The following TMEM54 variants were observed in gnomAD, a reference collection of about 807,000 sequenced individuals.
TMEM54 encodes beta-casein-like protein.
In TMEM54, 21 loss-of-function variants were observed where a neutral mutation model predicts 21.3. That is an observed-to-expected ratio of 0.99 (90% CI 0.70 to 1.42). The LOEUF (loss-of-function observed/expected upper bound fraction) is 1.42. Among genes scored for constraint, TMEM54 ranks in the 40% most tolerant of loss-of-function variants. The probability of loss-of-function intolerance (pLI) is 0.00; values close to 1 mark genes in which losing one functional copy is unlikely to be tolerated. For missense variants in TMEM54, 246 were observed against 294.0 expected (o/e 0.84, Z 1.19); for synonymous variants, 109 against 125.0 (o/e 0.87, Z 0.86).
rs1396700136 is a variant in TMEM54, at chr1:32,897,035, T to G, written c.211-1066A>C. Among the ~76,000 whole-genome samples the G allele has an allele frequency of 6.6e-6, 1 of 152,032 alleles. No individual in the cohort carries two copies. The highest frequency in any genetic ancestry group is 1.5e-5 in the Non-Finnish European group (1 of 68,010). On this transcript the variant is annotated intron_variant, in intron 2 of 5. Transcript: ENST00000373463. This position sits in a 1 kb window ranked among gnomAD's most constrained non-coding sequence, Gnocchi z 4.9. ...CTGGGAGAAGTGAGGATTAACCGAG[T>G]AAGTGAGGGGAAGGCTGAAGTGGTC...
Position 32,896,147 on chromosome 1 carries a change from G to A in TMEM54, c.211-178C>T. The A allele has an allele frequency of 3.3e-6, 2 of 615,108 alleles. No homozygotes were observed. Among genetic ancestry groups the A allele is most frequent in the Admixed American group, 3.1e-5 (1 of 31,834 alleles). 38.1% of individuals were successfully genotyped at this position (615,108 alleles called of 1,614,324 possible). ...TCTCCATCTGCCTCCTCATAGTCCA[G>A]CCTGACATGATGTTTCTAAAACAGT... is the stretch of plus-strand genomic sequence containing the variant. On this transcript the variant is annotated intron_variant, in intron 2 of 5. Transcript: ENST00000373463. This position sits in a 1 kb window ranked among gnomAD's most constrained non-coding sequence, Gnocchi z 4.1.
In TMEM54 at chr1:32,896,044, G is replaced by A. The variant is rs1010724768; in HGVS notation, c.211-75C>T. ...GGCAGGGGGATCAGGGCCACTCTGG[G>A]ATAATGATCTCACCGGCGCCAACCA... On this transcript the variant is annotated intron_variant, in intron 2 of 5. Coordinates refer to ENST00000373463, the MANE Select transcript of TMEM54 (RefSeq NM_033504.4). This position sits in a 1 kb window ranked among gnomAD's most constrained non-coding sequence, Gnocchi z 4.1. 3.3e-6 allele frequency: 5 copies of A among 1,518,464 alleles called. No individual in the cohort carries two copies. Among genetic ancestry groups the A allele is most frequent in the African/African-American group, 1.4e-5 (1 of 72,990 alleles). 94.1% of individuals were successfully genotyped at this position (1,518,464 alleles called of 1,614,324 possible). A position where few individuals can be genotyped will look rare whatever the true frequency, so the allele number is the denominator to read the frequency against.
Position 32,895,747 on chromosome 1 carries a change from G to T in TMEM54, c.271-4C>A. On this transcript the variant is annotated splice_region_variant and splice_polypyrimidine_tract_variant and intron_variant, in intron 3 of 5. Coordinates refer to ENST00000373463, the MANE Select transcript of TMEM54 (RefSeq NM_033504.4). This position sits in a 1 kb window ranked among gnomAD's most constrained non-coding sequence, Gnocchi z 5.8. ...TCGAGCTAAACACTGTCCAGCGCTGGACGGGGGAGGCCACTGGTCAATGGG... is the reference window on the plus strand; with the variant it reads ...TCGAGCTAAACACTGTCCAGCGCTGTACGGGGGAGGCCACTGGTCAATGGG... 3 of 1,554,460 alleles carry T rather than the reference G, an allele frequency of 1.9e-6. No homozygotes were observed. The highest frequency in any genetic ancestry group is 1.2e-5 in the South Asian group (1 of 84,500).
In TMEM54 at chr1:32,901,377, C is replaced by T; in HGVS notation, c.-139G>A. The T allele has an allele frequency of 1.2e-6, 1 of 860,940 alleles. No individual in the cohort carries two copies. Among genetic ancestry groups the T allele is most frequent in the Non-Finnish European group, 1.5e-6 (1 of 677,736 alleles). 53.3% of individuals were successfully genotyped at this position (860,940 alleles called of 1,614,324 possible). Reference sequence around the variant, plus strand: ...GCGCTCGCCCACTTCCCGCCCGGAGCCCGGGGCTGGGCGGCGCCGGACCGG... The same window carrying T: ...GCGCTCGCCCACTTCCCGCCCGGAGTCCGGGGCTGGGCGGCGCCGGACCGG... On this transcript the variant is annotated 5_prime_UTR_variant, in exon 1 of 6. Transcript: ENST00000373463. The surrounding 1 kb of genome is among the most constrained non-coding windows in gnomAD (Gnocchi z 4.2).
rs780609869 is a variant in TMEM54 at position 32,895,334 on chromosome 1, G to A, written c.565C>T (p.Pro189Ser). The change falls in exon 5 of 6, where the codon CCC (proline) becomes TCC (serine). Residue 189 changes from proline (P) to serine (S), a missense_variant. Transcript: ENST00000373463. This position sits in a 1 kb window ranked among gnomAD's most constrained non-coding sequence, Gnocchi z 5.8. ...QLTHQLLELR[P>S]WWGKSSHHMM... Reference sequence around the variant, plus strand: ...TGGTGGCTGCTTTTCCCCCACCAGGGCCTCAGCTCCAGCAGCTGGTGGGTG... The same window carrying A: ...TGGTGGCTGCTTTTCCCCCACCAGGACCTCAGCTCCAGCAGCTGGTGGGTG... 1.9e-6 allele frequency: 3 copies of A among 1,613,270 alleles called. No homozygotes were observed. The highest frequency in any genetic ancestry group is 2.2e-5 in the East Asian group (1 of 44,862).
chr1:32,896,608 C>T lies in TMEM54; in HGVS notation c.211-639G>A, dbSNP rs984604589. On this transcript the variant is annotated intron_variant, in intron 2 of 5. Transcript: ENST00000373463. The surrounding 1 kb of genome is among the most constrained non-coding windows in gnomAD (Gnocchi z 4.1). ...TGCAAGCCCTGCTCAGGTTTGCACA[C>T]GTTTCCCTAACCAGCCTCGATCCCA... Among the ~76,000 whole-genome samples, 1 of 152,228 alleles carries T rather than the reference C, an allele frequency of 6.6e-6. No individual in the cohort carries two copies. The highest frequency in any genetic ancestry group is 1.5e-5 in the Non-Finnish European group (1 of 68,028).
chr1:32,895,982 CTCAAG>C lies in TMEM54; in HGVS notation c.211-18_211-14del. On this transcript the variant is annotated splice_polypyrimidine_tract_variant and intron_variant, in intron 2 of 5. Transcript: ENST00000373463. This position sits in a 1 kb window ranked among gnomAD's most constrained non-coding sequence, Gnocchi z 5.8. ...CTGAAGTGATGACCTGTAGGGAAGG[CTCAAG>C]TCAGCCCTGACTCCTTGGCTGGAGG... is the stretch of plus-strand genomic sequence containing the variant. 6.2e-7 allele frequency: 1 copy of C among 1,611,194 alleles called. No homozygotes were observed. Among genetic ancestry groups the C allele is most frequent in the Non-Finnish European group, 8.5e-7 (1 of 1,178,642 alleles).
intron 1 of TMEM54, among the ~76,000 whole-genome samples, chr1:32,899,018 A>AG (rs1298054226): frequency 2.0e-5 from 3 of 152,180 alleles, no homozygotes; most frequent in African/African-American, 7.2e-5. Flanking sequence ...CTCTCAGTGC[A>AG]GGGGGAACCT....
rs754546282 is a variant in TMEM54, at chr1:32,895,219, T to A, written c.594+86A>T. On this transcript the variant is annotated intron_variant, in intron 5 of 5. Coordinates refer to ENST00000373463, the MANE Select transcript of TMEM54 (RefSeq NM_033504.4). The surrounding 1 kb of genome is among the most constrained non-coding windows in gnomAD (Gnocchi z 5.8). ...CCCCATTTCTCAAGGTGGGGGCCCATACATAGGGGTGGGGCAGAGCAGCTT... is the reference window on the plus strand; with the variant it reads ...CCCCATTTCTCAAGGTGGGGGCCCAAACATAGGGGTGGGGCAGAGCAGCTT... 37 of 1,494,342 alleles carry A rather than the reference T, an allele frequency of 2.5e-5. No individual in the cohort carries two copies. Among genetic ancestry groups the A allele is most frequent in the Non-Finnish European group, 3.3e-5 (37 of 1,110,504 alleles). 92.6% of individuals were successfully genotyped at this position (1,494,342 alleles called of 1,614,324 possible).
Position 32,895,647 on chromosome 1 carries a change from G to C in TMEM54, c.367C>G (p.Gln123Glu), listed in dbSNP as rs1387016946. 15 of 1,564,608 alleles carry C rather than the reference G, an allele frequency of 9.6e-6. No homozygotes were observed. Among genetic ancestry groups the C allele is most frequent in the Non-Finnish European group, 1.3e-5 (15 of 1,154,244 alleles). ...LASIAMTFAT[Q>E]GKALLAACTF... ...CAGGCAGCCAGCAGTGCCTTGCCCT[G>C]GGTGGCAAAGGTCATGGCGATGGAG... Residue 123 changes from glutamine to glutamate, a missense_variant, in exon 4 of 6, where the codon CAG (glutamine) becomes GAG (glutamate). Gln to Glu is a conservative substitution (Grantham distance 29). Transcript: ENST00000373463. The surrounding 1 kb of genome is among the most constrained non-coding windows in gnomAD (Gnocchi z 5.8).
At position 32,901,132 on chromosome 1, in the gene TMEM54, C is replaced by T. The variant is rs1056462334; in HGVS notation, c.16+91G>A. ...TTAGAGGCAGAGCAGGTGGCCTGGCCCCCTGGGGGCTCGGGTTCCGGGCTC... is the reference window on the plus strand; with the variant it reads ...TTAGAGGCAGAGCAGGTGGCCTGGCTCCCTGGGGGCTCGGGTTCCGGGCTC... On this transcript the variant is annotated intron_variant, in intron 1 of 5. Coordinates refer to ENST00000373463, the MANE Select transcript of TMEM54 (RefSeq NM_033504.4). This position sits in a 1 kb window ranked among gnomAD's most constrained non-coding sequence, Gnocchi z 4.2. The T allele has an allele frequency of 1.5e-6, 2 of 1,316,448 alleles. No individual in the cohort carries two copies. Among genetic ancestry groups the T allele is most frequent in the Admixed American group, 3.1e-5 (1 of 32,270 alleles). 81.5% of individuals were successfully genotyped at this position (1,316,448 alleles called of 1,614,324 possible).
chr1:32,897,399 A>G lies in TMEM54; in HGVS notation c.210+727T>C, dbSNP rs1049606656. 6.6e-6 allele frequency among the ~76,000 whole-genome samples: 1 copy of G among 152,220 alleles called. No homozygotes were observed. Among genetic ancestry groups the G allele is most frequent in the Admixed American group, 6.5e-5 (1 of 15,276 alleles). ...GTGGCCACTTGTGCTGACCGGCAAG[A>G]AAGAGCTTTAGAAACTTGAGACTAC... is the stretch of plus-strand genomic sequence containing the variant. On this transcript the variant is annotated intron_variant, in intron 2 of 5. Coordinates refer to ENST00000373463, the MANE Select transcript of TMEM54 (RefSeq NM_033504.4). This position sits in a 1 kb window ranked among gnomAD's most constrained non-coding sequence, Gnocchi z 4.9.
In TMEM54 at chr1:32,901,382, G is replaced by C; in HGVS notation, c.-144C>G. ...CGCCCACTTCCCGCCCGGAGCCCGG[G>C]GCTGGGCGGCGCCGGACCGGCCTCC... On this transcript the variant is annotated 5_prime_UTR_variant, in exon 1 of 6. Transcript: ENST00000373463. This position sits in a 1 kb window ranked among gnomAD's most constrained non-coding sequence, Gnocchi z 4.2. 1 of 787,198 alleles carries C rather than the reference G, an allele frequency of 1.3e-6. No homozygotes were observed. Among genetic ancestry groups the C allele is most frequent in the Non-Finnish European group, 1.6e-6 (1 of 615,576 alleles). The allele number at this position is 787,198 out of a possible 1,614,324, so 48.8% of individuals were successfully genotyped here.
intron 1 of TMEM54, among the ~76,000 whole-genome samples, chr1:32,899,816 T>G (rs1042897278): frequency 5.9e-5 from 9 of 152,308 alleles, no homozygotes; most frequent in African/African-American, 2.2e-4. Flanking sequence ...GTCACAGACT[T>G]GCTGTGTGAC....
Position 32,895,968 on chromosome 1 carries a change from A to C in TMEM54, c.212T>G (p.Val71Gly). The change falls in exon 3 of 6, where the codon GTC (valine) becomes GGC (glycine). Residue 71 changes from valine to glycine, a missense_variant and splice_region_variant. Transcript: ENST00000373463. The surrounding 1 kb of genome is among the most constrained non-coding windows in gnomAD (Gnocchi z 5.8). Reference sequence around the variant, plus strand: ...GATGGCTGCGATGCCTGAAGTGATGACCTGTAGGGAAGGCTCAAGTCAGCC... The same window carrying C: ...GATGGCTGCGATGCCTGAAGTGATGCCCTGTAGGGAAGGCTCAAGTCAGCC... ...NILSVTSAIV[V>G]ITSGIAAIVL... The C allele has an allele frequency of 1.2e-6, 2 of 1,612,892 alleles. No homozygotes were observed. The highest frequency in any genetic ancestry group is 1.7e-6 in the Non-Finnish European group (2 of 1,179,482).
At position 32,894,723 on chromosome 1, in the gene TMEM54, C is replaced by A; in HGVS notation, c.*82G>T. The A allele has an allele frequency of 6.4e-7, 1 of 1,561,110 alleles. No homozygotes were observed. The highest frequency in any genetic ancestry group is 8.8e-7 in the Non-Finnish European group (1 of 1,141,918). On this transcript the variant is annotated 3_prime_UTR_variant, in exon 6 of 6. Transcript: ENST00000373463. ...GGTCCATTGAGCCCTCTCAGGCCAG[C>A]TCCAGGAATCCTGGCCTGGTCACAG...
intron 1 of TMEM54, among the ~76,000 whole-genome samples, chr1:32,900,551 C>T (rs2124058412): frequency 6.6e-6 from 1 of 152,332 alleles, no homozygotes; most frequent in Non-Finnish European, 1.5e-5. Context: ...CATAGCAGCG[C>T]AGCCGGCAAG....
chr1:32,898,710 G>T (rs1052003231), intron 1 of TMEM54, among the ~76,000 whole-genome samples: 8 of 152,140 alleles, frequency 5.3e-5, no homozygotes, highest in Non-Finnish European at 1.0e-4. Context: ...GCCAGGCCCT[G>T]GGGTACGACG....
rs779738621 is a variant in TMEM54, at chr1:32,894,796, C to T, written c.*9G>A. 5.0e-6 allele frequency: 8 copies of T among 1,608,488 alleles called. 1 individual carries two copies. In the East Asian group the frequency reaches 1.6e-4, roughly 32 times the overall value. ...TAGTGGCCATCGGGCCTGGGCAGGA[C>T]ATCATCTCTCAGAGGGTCAGAGGCT... is the stretch of plus-strand genomic sequence containing the variant. On this transcript the variant is annotated 3_prime_UTR_variant, in exon 6 of 6. Transcript: ENST00000373463.
Sources: gnomAD v4.1 joint callset for allele counts (sites outside exome capture counted in the v4.1 genomes callset) on GRCh38, gnomAD v4.1.1 for gene constraint, Gnocchi (gnomAD v3.1) non-coding constraint, MANE v1.5 for transcripts, NCBI Gene and HGNC (gene_info 2026-07-23, HGNC 2026-07-21) for gene names.